The following MDM4 variants were observed in gnomAD, a reference collection of about 807,000 sequenced individuals.
MDM4 encodes the protein MDM4 regulator of p53, also known as protein Mdm4.
MDM4 carries 2 observed loss-of-function variants against 60.2 expected under a neutral mutation model. The ratio of observed to expected loss-of-function variants is 0.03; its 90% CI spans 0.01 to 0.10. The LOEUF (loss-of-function observed/expected upper bound fraction) is 0.10. Ranked by LOEUF, MDM4 falls within the 10% of genes least tolerant of loss-of-function variation. The pLI is 1.00. For missense variants in MDM4, 447 were observed against 577.5 expected, an observed-to-expected ratio of 0.77 and a Z score of 2.32; for synonymous variants, 202 against 198.1, an observed-to-expected ratio of 1.02 and a Z score of -0.17.
intron 4 of MDM4, among the ~76,000 whole-genome samples, chr1:204,531,839 A>T (rs947760582): frequency 2.0e-5 from 3 of 152,124 alleles, no homozygotes; most frequent in African/African-American, 7.2e-5. Flanking sequence ...TCTCCAAAAA[A>T]AAAAGACTCC....
chr1:204,549,041 T>G, intron 10 of MDM4, 72 bp from the exon 11 acceptor site: 1 of 941,302 alleles, frequency 1.1e-6, no homozygotes, highest in South Asian at 1.6e-5. Context: ...GTGAATGAAT[T>G]TGACCTCCTT....
In MDM4 at chr1:204,556,739, T is replaced by C. The variant is rs1571482304; in HGVS notation, c.*7057T>C. ...CTTCTTACAGAATTATTTTTTTCTC[T>C]GTAGTTTGCCTCATTTTTTCACTTT... On this transcript the variant is annotated 3_prime_UTR_variant, in exon 11 of 11. Transcript: ENST00000367182. 1 of 214,222 alleles carries C rather than the reference T, an allele frequency of 4.7e-6. No individual in the cohort carries two copies. The highest frequency in any genetic ancestry group is 9.4e-6 in the Non-Finnish European group (1 of 106,170). The allele number at this position is 214,222 out of a possible 1,614,324, so 13.3% of individuals were successfully genotyped here. A position where few individuals can be genotyped will look rare whatever the true frequency, so the allele number is the denominator to read the frequency against.
Position 204,550,564 on chromosome 1 carries a change from G to T in MDM4, c.*882G>T. The T allele has an allele frequency of 6.3e-6, 1 of 159,888 alleles. No individual in the cohort carries two copies. Among genetic ancestry groups the T allele is most frequent in the Non-Finnish European group, 1.3e-5 (1 of 75,960 alleles). 9.9% of individuals were successfully genotyped at this position (159,888 alleles called of 1,614,324 possible). On this transcript the variant is annotated 3_prime_UTR_variant, in exon 11 of 11. Transcript: ENST00000367182. ...TTGCATATTATATATGTGCTTTAAA[G>T]TTTTTTTTTTTTTTTGAGAGACGGT...
chr1:204,524,954 T>A (rs1659969318), intron 1 of MDM4, among the ~76,000 whole-genome samples: 1 of 149,466 alleles, frequency 6.7e-6, no homozygotes, highest in South Asian at 2.1e-4. Context: ...TTGTAATTGC[T>A]GTGTTTTTTT....
Position 204,539,797 on chromosome 1 carries a change from G to A in MDM4, c.511+1489G>A, listed in dbSNP as rs538690747. Reference sequence around the variant, plus strand: ...GATCCACCCGCCTTGGCCTCCCAAAGTGCTGGGATTATAGGCATGAGCCAC... The same window carrying A: ...GATCCACCCGCCTTGGCCTCCCAAAATGCTGGGATTATAGGCATGAGCCAC... On this transcript the variant is annotated intron_variant, in intron 7 of 10. Coordinates refer to ENST00000367182, the MANE Select transcript of MDM4 (RefSeq NM_002393.5). Among the ~76,000 whole-genome samples the A allele has an allele frequency of 1.8e-3, 275 of 151,968 alleles. 2 individuals carry two copies. The highest frequency in any genetic ancestry group is 6.3e-3 in the African/African-American group (262 of 41,470).
Position 204,555,543 on chromosome 1 carries a change from T to A in MDM4, c.*5861T>A, listed in dbSNP as rs1284738063. The A allele has an allele frequency of 1.2e-5, 2 of 173,406 alleles. No individual in the cohort carries two copies. Among genetic ancestry groups the A allele is most frequent in the African/African-American group, 2.4e-5 (1 of 42,094 alleles). The allele number at this position is 173,406 out of a possible 1,614,324, so 10.7% of individuals were successfully genotyped here. A position where few individuals can be genotyped will look rare whatever the true frequency, so the allele number is the denominator to read the frequency against. On this transcript the variant is annotated 3_prime_UTR_variant, in exon 11 of 11. Transcript: ENST00000367182. ...AGAGCAATTCCTCTTTCAGAGCAGT[T>A]GCTGTAATTTGGCAAATGCTTTATC...
rs562798371 is a variant in MDM4, at chr1:204,550,426, A to G, written c.*744A>G. 1.4e-5 allele frequency: 3 copies of G among 207,718 alleles called. No homozygotes were observed. Among genetic ancestry groups the G allele is most frequent in the East Asian group, 7.2e-5 (1 of 13,870 alleles). The allele number at this position is 207,718 out of a possible 1,614,324, so 12.9% of individuals were successfully genotyped here. A position where few individuals can be genotyped will look rare whatever the true frequency, so the allele number is the denominator to read the frequency against. On this transcript the variant is annotated 3_prime_UTR_variant, in exon 11 of 11. Transcript: ENST00000367182. ...ACAATCCTCCCGCCTCAGCCTTCCAAATTGCTGGGATTATAGTCATGAGGC... is the reference window on the plus strand; with the variant it reads ...ACAATCCTCCCGCCTCAGCCTTCCAGATTGCTGGGATTATAGTCATGAGGC...
At chr1:204,537,546 C>A in intron 6 of MDM4, 49 bp downstream of exon 6, 3 of 1,325,032 alleles carry the variant, frequency 2.3e-6, no homozygotes, top group Non-Finnish European at 3.3e-6. Flanking sequence ...GTGGCCCCTT[C>A]TCTGTACCTA....
At chr1:204,537,140 C>T in intron 5 of MDM4, 1 of 382,396 alleles carries the variant, frequency 2.6e-6, no homozygotes, top group South Asian at 3.7e-5. Flanking sequence ...AACCAGTTTT[C>T]ATATAAAAAT....
intron 6 of MDM4, 137 bp from the exon 7 acceptor site, chr1:204,538,072 C>G (rs1661600035): frequency 1.3e-6 from 1 of 767,356 alleles, no homozygotes; most frequent in South Asian, 1.4e-5. Context: ...TATTTGATGA[C>G]TGTTGTGAAC....
intron 7 of MDM4, among the ~76,000 whole-genome samples, chr1:204,539,442 C>G (rs1017574899): frequency 6.6e-6 from 1 of 151,266 alleles, no homozygotes; most frequent in Non-Finnish European, 1.5e-5. Context: ...TTTAGCAACT[C>G]ATGAGTACTA....
At chr1:204,529,804 C>T in intron 3 of MDM4, 1 of 303,998 alleles carries the variant, frequency 3.3e-6, no homozygotes, top group Non-Finnish European at 6.1e-6. Flanking sequence ...GCAGAGTTTG[C>T]CTGAGTTTAC....
In MDM4 at chr1:204,549,755, AT is replaced by A; in HGVS notation, c.*77del. ...TATTTGAAAATCAATCCTTTATTTAATTTTATTTCCAACCTGTCAGAGAATG... is the reference window on the plus strand; with the variant it reads ...TATTTGAAAATCAATCCTTTATTTAATTTATTTCCAACCTGTCAGAGAATG... On this transcript the variant is annotated 3_prime_UTR_variant, in exon 11 of 11. Transcript: ENST00000367182. 1.0e-6 allele frequency: 1 copy of A among 986,230 alleles called. No individual in the cohort carries two copies. Among genetic ancestry groups the A allele is most frequent in the Non-Finnish European group, 1.5e-6 (1 of 682,276 alleles). The allele number at this position is 986,230 out of a possible 1,614,324, so 61.1% of individuals were successfully genotyped here.
intron 4 of MDM4, among the ~76,000 whole-genome samples, chr1:204,531,566 A>G (rs984000715): frequency 1.3e-5 from 2 of 152,114 alleles, no homozygotes; most frequent in Non-Finnish European, 2.9e-5. Context: ...GTGGTGGCTC[A>G]AGCCTGTAAT....
intron 1 of MDM4, among the ~76,000 whole-genome samples, chr1:204,521,636 G>A (rs1572447489): frequency 1.3e-5 from 2 of 152,166 alleles, no homozygotes; most frequent in East Asian, 1.9e-4. Flanking sequence ...GCCTGGAATT[G>A]TCACATTATC....
chr1:204,535,691 C>G (rs1661339106), intron 5 of MDM4, among the ~76,000 whole-genome samples: 1 of 151,918 alleles, frequency 6.6e-6, no homozygotes, highest in Non-Finnish European at 1.5e-5. Flanking sequence ...CACCACCAAG[C>G]CCGGCTAATT....
At chr1:204,530,850 G>A in intron 4 of MDM4, 33 bp downstream of exon 4, 1 of 1,613,862 alleles carries the variant, frequency 6.2e-7, no homozygotes, top group Middle Eastern at 1.7e-4. Context: ...TATCTTTTTG[G>A]GTGCTTATAC....
chr1:204,522,402 A>T lies in MDM4; in HGVS notation c.-35-3082A>T, dbSNP rs114528054. ...CCACCCATTAAAAGCCAGGTTTTAA[A>T]TTTTTTTTTTTTTTTTGAAACAATC... is the stretch of plus-strand genomic sequence containing the variant. On this transcript the variant is annotated intron_variant, in intron 1 of 10. Coordinates refer to ENST00000367182, the MANE Select transcript of MDM4 (RefSeq NM_002393.5). Among the ~76,000 whole-genome samples, 1,342 of 138,442 alleles carry T rather than the reference A, an allele frequency of 9.7e-3. 28 individuals are homozygous for T. Among genetic ancestry groups the T allele is most frequent in the African/African-American group, 0.033 (1,124 of 34,146 alleles). The allele number at this position is 138,442 out of a possible 152,430, so 90.8% of individuals were successfully genotyped here.
chr1:204,529,261 C>T, intron 3 of MDM4: 1 of 730,406 alleles, frequency 1.4e-6, no homozygotes, highest in Non-Finnish European at 2.5e-6. Flanking sequence ...GGACCAGTTG[C>T]AGTTGACCAG....
Sources: gnomAD v4.1 joint callset for allele counts (sites outside exome capture counted in the v4.1 genomes callset) on GRCh38, gnomAD v4.1.1 for gene constraint, MANE v1.5 for transcripts, NCBI Gene and HGNC (gene_info 2026-07-23, HGNC 2026-07-21) for gene names.